The following RASGRF2 variants were observed in gnomAD, a reference collection of about 807,000 sequenced individuals.
RASGRF2 encodes the protein ras-specific guanine nucleotide-releasing factor 2.
RASGRF2 carries 76 observed loss-of-function variants against 151.0 expected under a neutral mutation model. The observed-to-expected ratio is 0.50, with a 90% CI of 0.42 to 0.61. RASGRF2 has a LOEUF of 0.61. Ranked by LOEUF, RASGRF2 falls within the 20% of genes least tolerant of loss-of-function variation. The pLI is 0.00. For missense variants in RASGRF2, 1,148 were observed against 1,564.6 expected, an observed-to-expected ratio of 0.73 and a Z score of 4.49; for synonymous variants, 504 against 566.5, an observed-to-expected ratio of 0.89 and a Z score of 1.57.
At chr5:80,977,538 C>A (rs989662350) in intron 1 of RASGRF2, among the ~76,000 whole-genome samples, 2 of 152,146 alleles carry the variant, frequency 1.3e-5, no homozygotes, top group African/African-American at 2.4e-5. Flanking sequence ...TCTCAGCTCA[C>A]TGCGACCTCC....
At chr5:80,992,554 AC>A (rs1748689321) in intron 1 of RASGRF2, among the ~76,000 whole-genome samples, 1 of 152,326 alleles carries the variant, frequency 6.6e-6, no homozygotes, top group Admixed American at 6.5e-5. Flanking sequence ...TCTCTGACAA[AC>A]AGAAAACAGT....
At chr5:81,187,505 T>C (rs996612053) in intron 18 of RASGRF2, among the ~76,000 whole-genome samples, 1 of 152,196 alleles carries the variant, frequency 6.6e-6, no homozygotes, top group African/African-American at 2.4e-5. Flanking sequence ...ATAAGCCTGC[T>C]GAAGGGGGCA....
intron 17 of RASGRF2, among the ~76,000 whole-genome samples, chr5:81,155,381 AC>A (rs1754236551): frequency 1.3e-5 from 2 of 152,298 alleles, no homozygotes; most frequent in East Asian, 1.9e-4. Context: ...ACAGGAAAAA[AC>A]ATTAGAGAAA....
intron 17 of RASGRF2, among the ~76,000 whole-genome samples, chr5:81,159,480 C>A (rs1165517898): frequency 2.0e-5 from 3 of 152,218 alleles, no homozygotes; most frequent in Non-Finnish European, 4.4e-5. Context: ...CTCTACGATT[C>A]CTTTACGGGA....
intron 17 of RASGRF2, among the ~76,000 whole-genome samples, chr5:81,163,442 G>A (rs1754433478): frequency 6.6e-6 from 1 of 151,928 alleles, no homozygotes; most frequent in Admixed American, 6.6e-5. Flanking sequence ...TTTGAATTAA[G>A]GTATAAATAT....
chr5:80,960,659 C>T lies in RASGRF2; in HGVS notation c.-80C>T, dbSNP rs1297034651. 6.3e-6 allele frequency: 8 copies of T among 1,262,606 alleles called. No homozygotes were observed. The highest frequency in any genetic ancestry group is 3.0e-5 in the East Asian group (1 of 32,804). The allele number at this position is 1,262,606 out of a possible 1,614,324, so 78.2% of individuals were successfully genotyped here. On this transcript the variant is annotated 5_prime_UTR_variant, in exon 1 of 27. Coordinates refer to ENST00000265080, the MANE Select transcript of RASGRF2 (RefSeq NM_006909.3). This position sits in a 1 kb window ranked among gnomAD's most constrained non-coding sequence, Gnocchi z 5.5. ...CCGGCCGGGACCTGAGCGGTCGCGC[C>T]CTCGAGGGAGCCAGCTGGGCCATGG...
intron 1 of RASGRF2, among the ~76,000 whole-genome samples, chr5:80,995,693 C>CTTTTTTTTTTT (rs1554083685): frequency 1.0e-5 from 1 of 97,336 alleles, no homozygotes; most frequent in Non-Finnish European, 2.0e-5. Context: ...TTCCCCCCCC[C>CTTTTTTTTTTT]TTTTTTTTTT....
At chr5:81,009,472 G>C (rs1447081437) in intron 1 of RASGRF2, among the ~76,000 whole-genome samples, 3 of 152,150 alleles carry the variant, frequency 2.0e-5, no homozygotes, top group Non-Finnish European at 4.4e-5. Context: ...CTGTCAGATG[G>C]AGCATCACAT....
At chr5:80,992,834 T>A (rs1748697321) in intron 1 of RASGRF2, among the ~76,000 whole-genome samples, 1 of 152,186 alleles carries the variant, frequency 6.6e-6, no homozygotes. Context: ...GCAGGGAGTA[T>A]GGTCAGCACA....
chr5:80,963,227 G>A (rs1747619486), intron 1 of RASGRF2, among the ~76,000 whole-genome samples: 1 of 152,214 alleles, frequency 6.6e-6, no homozygotes, highest in Non-Finnish European at 1.5e-5. Flanking sequence ...CAGACACTGA[G>A]ACACGAAGGA....
chr5:81,052,826 C>T (rs760227193), intron 2 of RASGRF2, among the ~76,000 whole-genome samples: 1 of 152,092 alleles, frequency 6.6e-6, no homozygotes, highest in African/African-American at 2.4e-5. Context: ...TCTCCACTCC[C>T]AAAGGCCTCA....
chr5:81,067,494 T>C (rs1292382333), intron 2 of RASGRF2, among the ~76,000 whole-genome samples: 1 of 152,102 alleles, frequency 6.6e-6, no homozygotes, highest in Non-Finnish European at 1.5e-5. Context: ...AGAAATAGAG[T>C]AGTCAATGAT....
chr5:81,045,478 A>G (rs1286972503), intron 2 of RASGRF2, among the ~76,000 whole-genome samples: 3 of 152,236 alleles, frequency 2.0e-5, no homozygotes, highest in Non-Finnish European at 4.4e-5. Context: ...GGTGTTTGAC[A>G]TACAGTCAAA....
intron 17 of RASGRF2, among the ~76,000 whole-genome samples, chr5:81,140,952 G>A (rs1448480220): frequency 6.6e-6 from 1 of 151,886 alleles, no homozygotes; most frequent in Non-Finnish European, 1.5e-5. Flanking sequence ...TTGCCATGAG[G>A]GGCTGCAGGA....
chr5:81,222,838 A>T (rs1755882779), intron 26 of RASGRF2, among the ~76,000 whole-genome samples: 1 of 152,158 alleles, frequency 6.6e-6, no homozygotes, highest in African/African-American at 2.4e-5. Flanking sequence ...TAAAAATTGG[A>T]AAGGTAAAGA....
intron 2 of RASGRF2, among the ~76,000 whole-genome samples, chr5:81,044,678 T>C (rs1750781613): frequency 6.6e-6 from 1 of 152,190 alleles, no homozygotes; most frequent in South Asian, 2.1e-4. Flanking sequence ...AAACAAAAAT[T>C]TGTGACAGGC....
At chr5:81,210,926 G>C (rs1031600572) in intron 22 of RASGRF2, among the ~76,000 whole-genome samples, 6 of 152,056 alleles carry the variant, frequency 3.9e-5, no homozygotes, top group African/African-American at 1.4e-4. Context: ...TGGGAGGATT[G>C]CTTTAGCCCA....
In RASGRF2 at chr5:80,961,012, G is replaced by C; in HGVS notation, c.274G>C (p.Ala92Pro). 2 of 1,509,458 alleles carry C rather than the reference G, an allele frequency of 1.3e-6. No individual in the cohort carries two copies. The highest frequency in any genetic ancestry group is 1.8e-6 in the Non-Finnish European group (2 of 1,122,894). The allele number at this position is 1,509,458 out of a possible 1,614,324, so 93.5% of individuals were successfully genotyped here. A position where few individuals can be genotyped will look rare whatever the true frequency, so the allele number is the denominator to read the frequency against. ...AGAGQGGVRD[A>P]LDKQYYFTVL... is the part of the protein sequence containing the mutation. ...CGCCGGGCAGGGAGGCGTCCGAGAC[G>C]CGCTGGACAAGCAGGTACCGCGCGC... Residue 92 changes from alanine to proline, a missense_variant, in exon 1 of 27, where the codon GCG becomes CCG. Ala to Pro is a conservative substitution (Grantham distance 27, BLOSUM62 -1). Transcript: ENST00000265080.
At chr5:80,982,580 C>T (rs1748336793) in intron 1 of RASGRF2, among the ~76,000 whole-genome samples, 1 of 135,170 alleles carries the variant, frequency 7.4e-6, no homozygotes, top group East Asian at 2.2e-4. Flanking sequence ...AAATTTGGTT[C>T]TATTATTATT....
Sources: gnomAD v4.1 joint callset for allele counts (sites outside exome capture counted in the v4.1 genomes callset) on GRCh38, gnomAD v4.1.1 for gene constraint, Gnocchi (gnomAD v3.1) non-coding constraint, MANE v1.5 for transcripts, NCBI Gene and HGNC (gene_info 2026-07-23, HGNC 2026-07-21) for gene names.